The following RAD51B variants were observed in gnomAD, a reference collection of about 807,000 sequenced individuals.
The protein encoded by RAD51B is RAD51 paralog B.
RAD51B carries 38 observed loss-of-function variants against 42.2 expected under a neutral mutation model. That is an observed-to-expected ratio of 0.90 (90% CI 0.70 to 1.18). The LOEUF (loss-of-function observed/expected upper bound fraction) is 1.18. Among genes scored for constraint, RAD51B ranks in the 50% most tolerant of loss-of-function variants. RAD51B has a pLI of 0.00. For missense variants in RAD51B, 373 were observed against 400.7 expected (o/e 0.93, Z 0.59); for synonymous variants, 154 against 145.2 (o/e 1.06, Z -0.43).
At chr14:68,558,353 G>C (rs185602058) in intron 10 of RAD51B, among the ~76,000 whole-genome samples, 1 of 152,258 alleles carries the variant, frequency 6.6e-6, no homozygotes, top group East Asian at 1.9e-4. Context: ...ATTCGGCCAC[G>C]AGAGCTATAC....
At chr14:68,259,917 C>T (rs2080842087) in intron 7 of RAD51B, among the ~76,000 whole-genome samples, 1 of 152,118 alleles carries the variant, frequency 6.6e-6, no homozygotes, top group Non-Finnish European at 1.5e-5. Flanking sequence ...ATGTGTTGGG[C>T]ATTGAGAAAG....
chr14:67,895,704 T>A (rs1011312251), intron 7 of RAD51B, among the ~76,000 whole-genome samples: 15 of 152,178 alleles, frequency 9.9e-5, no homozygotes, highest in Non-Finnish European at 1.6e-4. Context: ...AATGATTAAG[T>A]CTTAGTTTAG....
chr14:68,536,494 T>G (rs902721503), intron 10 of RAD51B, among the ~76,000 whole-genome samples: 1 of 152,238 alleles, frequency 6.6e-6, no homozygotes, highest in African/African-American at 2.4e-5. Flanking sequence ...AAGGATACCT[T>G]TCAGTACCAG....
At chr14:67,996,732 G>A (rs942746577) in intron 7 of RAD51B, among the ~76,000 whole-genome samples, 1 of 152,162 alleles carries the variant, frequency 6.6e-6, no homozygotes, top group Non-Finnish European at 1.5e-5. Context: ...GGGCAGAGAA[G>A]AGACACCTAA....
At chr14:68,455,859 G>A (rs2085672533) in intron 9 of RAD51B, among the ~76,000 whole-genome samples, 1 of 152,154 alleles carries the variant, frequency 6.6e-6, no homozygotes, top group Non-Finnish European at 1.5e-5. Context: ...ACTGCAAAAA[G>A]CAAGAATTAT....
intron 7 of RAD51B, among the ~76,000 whole-genome samples, chr14:67,955,279 A>G (rs560544067): frequency 2.4e-4 from 37 of 152,332 alleles, no homozygotes; most frequent in Non-Finnish European, 1.3e-4. Context: ...GCTGATGTAC[A>G]TATCTTAGAT....
At chr14:68,106,646 A>G (rs2077381300) in intron 7 of RAD51B, among the ~76,000 whole-genome samples, 1 of 151,912 alleles carries the variant, frequency 6.6e-6, no homozygotes, top group South Asian at 2.1e-4. Context: ...GTATGGTAGC[A>G]CTGTGATTCA....
At chr14:68,277,430 G>A (rs1035102353) in intron 7 of RAD51B, among the ~76,000 whole-genome samples, 2 of 152,158 alleles carry the variant, frequency 1.3e-5, no homozygotes, top group African/African-American at 4.8e-5. Context: ...TCTGGGAGGT[G>A]CCCTCCCCTT....
chr14:68,301,062 A>ATG (rs1009439759), intron 8 of RAD51B, among the ~76,000 whole-genome samples: 2 of 152,122 alleles, frequency 1.3e-5, no homozygotes, highest in African/African-American at 2.4e-5. Context: ...TGTGCAGTGT[A>ATG]TGTGTGTGTG....
At chr14:68,195,737 TG>T (rs764727754) in intron 7 of RAD51B, among the ~76,000 whole-genome samples, 1 of 150,874 alleles carries the variant, frequency 6.6e-6, no homozygotes, top group Non-Finnish European at 1.5e-5. Flanking sequence ...GGAGAAAACC[TG>T]TCCCTACTAA....
exon 11 of RAD51B, chr14:68,595,077 C>T (rs770577513): frequency 1.8e-5 from 19 of 1,067,668 alleles, no homozygotes; most frequent in Non-Finnish European, 2.2e-5. Flanking sequence ...TGAGCCGATG[C>T]CTTCCCCTCT....
chr14:68,226,502 G>A (rs1225718243), intron 7 of RAD51B, among the ~76,000 whole-genome samples: 2 of 152,076 alleles, frequency 1.3e-5, no homozygotes, highest in Non-Finnish European at 2.9e-5. Context: ...GGTCTTTCCT[G>A]TGCTGTTTTC....
In RAD51B at chr14:68,531,333, A is replaced by G. The variant is rs149232960; in HGVS notation, c.1036+63083A>G. Among the ~76,000 whole-genome samples, 416 of 152,322 alleles carry G rather than the reference A, an allele frequency of 2.7e-3. 1 individual carries two copies. The highest frequency in any genetic ancestry group is 9.6e-3 in the African/African-American group (400 of 41,580). On this transcript the variant is annotated intron_variant, in intron 10 of 10. Coordinates refer to the RAD51B transcript ENST00000487270. ...ATTAAAAATTGGAGAATATCAGATT[A>G]GAATTTTTAAAGTATTCAGTTATAA...
At chr14:67,951,371 G>T (rs1204459931) in intron 7 of RAD51B, among the ~76,000 whole-genome samples, 2 of 152,112 alleles carry the variant, frequency 1.3e-5, no homozygotes, top group South Asian at 2.1e-4. Context: ...GTTTGCCATT[G>T]TCAAGTTAAA....
chr14:67,891,454 A>T (rs1050570792), intron 7 of RAD51B, among the ~76,000 whole-genome samples: 11 of 152,196 alleles, frequency 7.2e-5, no homozygotes, highest in African/African-American at 2.7e-4. Flanking sequence ...AAAGCTGCTT[A>T]GACAAATGAA....
chr14:68,006,261 C>T lies in RAD51B; in HGVS notation c.756+119057C>T, dbSNP rs557836794. The stretch of plus-strand genomic sequence containing the variant: ...GAAGTTCTTTATATATTATAAATAC[C>T]AATTCTTTGTTGATTTTATGTACTA... On this transcript the variant is annotated intron_variant, in intron 7 of 10. Transcript: ENST00000471583. Among the ~76,000 whole-genome samples the T allele has an allele frequency of 9.9e-5, 15 of 152,100 alleles. No individual in the cohort carries two copies. The South Asian group carries it at 1.2e-3, about 13-fold the overall frequency.
intron 7 of RAD51B, among the ~76,000 whole-genome samples, chr14:68,240,051 CACTG>C (rs887014909): frequency 1.3e-5 from 2 of 152,228 alleles, no homozygotes; most frequent in African/African-American, 4.8e-5. Flanking sequence ...CTAAATGTGA[CACTG>C]ACACTGTCCA....
chr14:68,668,415 C>T (rs1457120686), intron 11 of RAD51B, among the ~76,000 whole-genome samples: 1 of 152,222 alleles, frequency 6.6e-6, no homozygotes, highest in Non-Finnish European at 1.5e-5. Flanking sequence ...GCATTCCACT[C>T]CACTTCCCGG....
intron 7 of RAD51B, among the ~76,000 whole-genome samples, chr14:68,210,519 A>T (rs2079684624): frequency 6.6e-6 from 1 of 151,946 alleles, no homozygotes; most frequent in Non-Finnish European, 1.5e-5. Context: ...GCCTTAGGTT[A>T]CTTAAGGGTG....
Sources: gnomAD v4.1 joint callset for allele counts (sites outside exome capture counted in the v4.1 genomes callset) on GRCh38, gnomAD v4.1.1 for gene constraint, MANE v1.5 for transcripts, NCBI Gene and HGNC (gene_info 2026-07-23, HGNC 2026-07-21) for gene names.